ADCY9: variants seen among roughly 807,000 people sequenced by gnomAD.
The protein encoded by ADCY9 is adenylate cyclase type 9.
In ADCY9, 50 loss-of-function variants were observed where a neutral mutation model predicts 101.5. The observed-to-expected ratio is 0.49, with a 90% CI of 0.39 to 0.62. ADCY9 has a LOEUF of 0.62. Among genes scored for constraint, ADCY9 ranks in the 20% least tolerant of loss-of-function variants. ADCY9 has a pLI of 0.00. For missense variants in ADCY9, 1,662 were observed against 1,800.4 expected (o/e 0.92, Z 1.39); for synonymous variants, 905 against 769.3 (o/e 1.18, Z -2.92).
chr16:4,061,180 C>G (rs2056771581), intron 2 of ADCY9, among the ~76,000 whole-genome samples: 1 of 151,586 alleles, frequency 6.6e-6, no homozygotes, highest in Non-Finnish European at 1.5e-5. Context: ...AATAAAAAAG[C>G]ATAAAGAAAA....
At chr16:4,046,433 A>G (rs2141144009) in intron 2 of ADCY9, among the ~76,000 whole-genome samples, 1 of 152,306 alleles carries the variant, frequency 6.6e-6, no homozygotes, top group East Asian at 1.9e-4. Flanking sequence ...GGGCCAGCAC[A>G]CGTTGCTTGT....
In ADCY9 at chr16:3,983,217, C is replaced by T. The variant is rs772252381; in HGVS notation, c.2519+15G>A. The T allele has an allele frequency of 1.3e-4, 197 of 1,544,454 alleles. No homozygotes were observed. The highest frequency in any genetic ancestry group is 1.6e-4 in the Non-Finnish European group (187 of 1,143,908). On this transcript the variant is annotated intron_variant, in intron 7 of 10. Coordinates refer to ENST00000294016, the MANE Select transcript of ADCY9 (RefSeq NM_001116.4). ...AACGGCTCAGAGCTGGAGACCCAGT[C>T]CACGCGGCGCTTACCTGATGGACAC...
rs749110041 is a variant in ADCY9, at chr16:3,965,858, C to T, written c.3979G>A (p.Ala1327Thr). ...KAEERGRFGKAIEKDDCDETG... is the reference protein window; with the variant it reads ...KAEERGRFGKTIEKDDCDETG... ...TCGTCACAGTCGTCTTTCTCTATGG[C>T]TTTGCCAAATCGACCCCTTTCTTCG... Residue 1327 changes from alanine to threonine, a missense_variant, in exon 11 of 11, where the codon GCC becomes ACC. Around this residue, in one of 5 missense-constraint regions of ADCY9, gnomAD observed 168 missense variants for 155.3 expected, o/e 1.08. Transcript: ENST00000294016. 3 of 1,614,218 alleles carry T rather than the reference C, an allele frequency of 1.9e-6. No homozygotes were observed. In the Admixed American group the frequency reaches 5.0e-5, roughly 27 times the overall value.
At chr16:3,967,048 C>G in intron 10 of ADCY9, 82 bp from the exon 11 acceptor site, 1 of 1,194,452 alleles carries the variant, frequency 8.4e-7, no homozygotes, top group Non-Finnish European at 1.2e-6. Flanking sequence ...CTACGCAAAG[C>G]TTTGTTGAGT....
intron 2 of ADCY9, among the ~76,000 whole-genome samples, chr16:4,079,276 T>C (rs2056887180): frequency 1.3e-5 from 2 of 152,198 alleles, no homozygotes; most frequent in African/African-American, 2.4e-5. Context: ...TACAGATGTA[T>C]GTACAGACTT....
chr16:4,057,038 G>GC lies in ADCY9; in HGVS notation c.1694-49481dup, dbSNP rs375745334. Among the ~76,000 whole-genome samples, 149 of 83,364 alleles carry GC rather than the reference G, an allele frequency of 1.8e-3. 3 individuals are homozygous for GC. Among genetic ancestry groups the GC allele is most frequent in the East Asian group, 4.7e-3 (11 of 2,332 alleles). 54.7% of individuals were successfully genotyped at this position (83,364 alleles called of 152,430 possible). On this transcript the variant is annotated intron_variant, in intron 2 of 10. Transcript: ENST00000294016. Reference sequence around the variant, plus strand: ...TCAGGTAACCTGTACTGATGAAACCGCCCCCCCCCCCCCCGCCAATCTTAC... The same window carrying GC: ...TCAGGTAACCTGTACTGATGAAACCGCCCCCCCCCCCCCCCGCCAATCTTAC...
intron 2 of ADCY9, among the ~76,000 whole-genome samples, chr16:4,075,618 C>T (rs576181743): frequency 4.6e-5 from 7 of 152,318 alleles, no homozygotes; most frequent in African/African-American, 1.7e-4. Context: ...AAACACCATA[C>T]ACCAGGGACA....
intron 2 of ADCY9, among the ~76,000 whole-genome samples, chr16:4,041,065 C>A (rs1357961753): frequency 1.3e-5 from 2 of 152,118 alleles, no homozygotes; most frequent in Non-Finnish European, 2.9e-5. Flanking sequence ...AATCAAAGCC[C>A]AGGGAGGAAA....
chr16:4,054,156 C>G (rs919847628), intron 2 of ADCY9: 3 of 152,044 alleles, frequency 2.0e-5, no homozygotes, highest in Non-Finnish European at 4.4e-5. Context: ...ACCACAGAGC[C>G]GAGAATAGTG....
chr16:3,983,627 G>T, intron 6 of ADCY9, 187 bp from the exon 7 acceptor site: 1 of 600,658 alleles, frequency 1.7e-6, no homozygotes, highest in African/African-American at 1.9e-5. Context: ...AAGGCACAGA[G>T]AAGTTAAACT....
intron 2 of ADCY9, among the ~76,000 whole-genome samples, chr16:4,008,725 G>A (rs1482169888): frequency 6.6e-6 from 1 of 152,098 alleles, no homozygotes; most frequent in Non-Finnish European, 1.5e-5. Flanking sequence ...ACCACGCCTG[G>A]CTAATTTTTG....
chr16:4,045,594 T>C (rs866149366), intron 2 of ADCY9, among the ~76,000 whole-genome samples: 3 of 64,962 alleles, frequency 4.6e-5, no homozygotes, highest in African/African-American at 5.6e-5. Flanking sequence ...GACTCTGCCT[T>C]AAAAAAAAAA....
At chr16:4,042,256 A>G (rs1316935489) in intron 2 of ADCY9, among the ~76,000 whole-genome samples, 1 of 151,968 alleles carries the variant, frequency 6.6e-6, no homozygotes, top group Non-Finnish European at 1.5e-5. Context: ...TTGTAGAGAC[A>G]GGGTTTTCCT....
chr16:4,001,413 G>A (rs1156279375), intron 3 of ADCY9, among the ~76,000 whole-genome samples: 2 of 152,222 alleles, frequency 1.3e-5, no homozygotes, highest in Non-Finnish European at 2.9e-5. Context: ...AAAGAATGCC[G>A]CAGAGGTGAC....
chr16:4,027,891 AG>A (rs1443711925), intron 2 of ADCY9, among the ~76,000 whole-genome samples: 2 of 151,356 alleles, frequency 1.3e-5, no homozygotes, highest in African/African-American at 4.9e-5. Context: ...AAAAAAAAAA[AG>A]AAAAAAAACC....
intron 2 of ADCY9, among the ~76,000 whole-genome samples, chr16:4,103,206 G>A (rs1342415959): frequency 2.0e-5 from 3 of 152,216 alleles, no homozygotes; most frequent in South Asian, 2.1e-4. Context: ...ATGAGAATGC[G>A]TGTTTGGGTG....
chr16:4,108,404 C>T (rs1044933178), intron 2 of ADCY9, among the ~76,000 whole-genome samples: 3 of 118,134 alleles, frequency 2.5e-5, no homozygotes, highest in African/African-American at 9.3e-5. Flanking sequence ...GACAAAGTCT[C>T]GCCCTATCGC....
intron 2 of ADCY9, among the ~76,000 whole-genome samples, chr16:4,078,932 A>C (rs1314083851): frequency 2.6e-5 from 4 of 152,198 alleles, no homozygotes; most frequent in Admixed American, 6.5e-5. Context: ...CCCACTACTA[A>C]TTATCGTGGG....
chr16:4,050,856 A>T (rs918636740), intron 2 of ADCY9, among the ~76,000 whole-genome samples: 1 of 152,126 alleles, frequency 6.6e-6, no homozygotes, highest in Non-Finnish European at 1.5e-5. Flanking sequence ...ACCAGGGCTT[A>T]TTGGAGAAAT....
Sources: gnomAD v4.1 joint callset for allele counts (sites outside exome capture counted in the v4.1 genomes callset) on GRCh38, gnomAD v4.1.1 for gene constraint, gnomAD v4.1.1 regional missense constraint, MANE v1.5 for transcripts, NCBI Gene and HGNC (gene_info 2026-07-23, HGNC 2026-07-21) for gene names.